LUZP1: variants seen among roughly 807,000 people sequenced by gnomAD.
LUZP1 encodes leucine zipper protein 1.
A neutral mutation model predicts 71.3 loss-of-function variants in LUZP1; 25 were observed. That is an observed-to-expected ratio of 0.35 (90% CI 0.26 to 0.49). The LOEUF (loss-of-function observed/expected upper bound fraction) is 0.49. LUZP1 is among the 20% of genes least tolerant of loss of function. LUZP1 has a pLI of 0.99. For synonymous variants in LUZP1, 481 were observed against 506.4 expected (o/e 0.95, Z 0.67); for missense variants, 1,142 against 1,300.8 (o/e 0.88, Z 1.88).
intron 2 of LUZP1, among the ~76,000 whole-genome samples, chr1:23,131,625 T>C (rs17370091): frequency 0.022 from 3,319 of 152,308 alleles, 65 homozygotes; most frequent in Non-Finnish European, 0.034. Context: ...CACCTAATAC[T>C]GTAGTTCTCC....
chr1:23,166,030 A>G (rs980530765), intron 2 of LUZP1, among the ~76,000 whole-genome samples: 7 of 147,464 alleles, frequency 4.7e-5, no homozygotes, highest in African/African-American at 1.3e-4. Flanking sequence ...CTACAGCCTT[A>G]TATGTTTGTC....
At chr1:23,151,561 C>T (rs558439005) in intron 2 of LUZP1, among the ~76,000 whole-genome samples, 10 of 152,314 alleles carry the variant, frequency 6.6e-5, no homozygotes, top group African/African-American at 2.4e-4. Flanking sequence ...AGAATTCTAA[C>T]TCTCCCGGTT....
chr1:23,108,915 C>G (rs962643501), intron 3 of LUZP1, 107 bp downstream of exon 2: 9 of 152,196 alleles, frequency 5.9e-5, no homozygotes, highest in Non-Finnish European at 1.0e-4. Context: ...TAGGCCATCA[C>G]AAATACTGAC....
At chr1:23,089,624 G>A (rs1643822538) in intron 4 of LUZP1, among the ~76,000 whole-genome samples, 3 of 151,382 alleles carry the variant, frequency 2.0e-5, no homozygotes, top group South Asian at 2.1e-4. Context: ...ACGAAGTCTC[G>A]CACTGTCTCC....
chr1:23,119,251 CTTTTTTTTTTTT>C (rs35522356), intron 2 of LUZP1, among the ~76,000 whole-genome samples: 2 of 69,996 alleles, frequency 2.9e-5, no homozygotes, highest in Non-Finnish European at 5.0e-5. Context: ...GTGACTAGCT[CTTTTTTTTTTTT>C]TTTTTTTTTT....
At chr1:23,089,423 G>A (rs1447065052) in intron 4 of LUZP1, among the ~76,000 whole-genome samples, 3 of 152,166 alleles carry the variant, frequency 2.0e-5, no homozygotes, top group African/African-American at 4.8e-5. Flanking sequence ...TTCTGGGGAT[G>A]AGGTCCACAT....
At chr1:23,158,647 C>CAAAAA (rs56919514) in intron 2 of LUZP1, among the ~76,000 whole-genome samples, 19 of 59,926 alleles carry the variant, frequency 3.2e-4, no homozygotes, top group African/African-American at 8.2e-4. Context: ...GACTCTGTCT[C>CAAAAA]AAAAAAAAAA....
exon 4 of LUZP1, chr1:23,091,832 C>T (rs376596340): frequency 5.6e-5 from 91 of 1,614,122 alleles, no homozygotes; most frequent in Middle Eastern, 1.7e-4. Context: ...GGGCCTCACC[C>T]GGAGCAGCTC....
At chr1:23,156,183 C>T (rs1038145539) in intron 2 of LUZP1, among the ~76,000 whole-genome samples, 4 of 152,132 alleles carry the variant, frequency 2.6e-5, no homozygotes, top group Non-Finnish European at 5.9e-5. Flanking sequence ...AGTTCGAGAC[C>T]AGCCTGGCCA....
chr1:23,171,832 C>T (rs1644554579), intron 1 of LUZP1, among the ~76,000 whole-genome samples: 1 of 152,174 alleles, frequency 6.6e-6, no homozygotes, highest in Admixed American at 6.5e-5. Context: ...ACCACAAACC[C>T]TTGGAAGGAA....
intron 2 of LUZP1, among the ~76,000 whole-genome samples, chr1:23,159,796 C>T (rs1282506215): frequency 6.6e-6 from 1 of 152,158 alleles, no homozygotes; most frequent in African/African-American, 2.4e-5. Context: ...ACCAGCCTGG[C>T]CAACATGGTG....
At chr1:23,117,502 A>G (rs1165716025) in intron 2 of LUZP1, among the ~76,000 whole-genome samples, 1 of 43,506 alleles carries the variant, frequency 2.3e-5, no homozygotes, top group African/African-American at 1.7e-4. Context: ...ACAATCAGGA[A>G]GCCCTGGGGG....
rs750749396 is a variant in LUZP1, at chr1:23,092,877, C to T, written c.1385G>A (p.Ser462Asn). Reference sequence around the variant, plus strand: ...CTGCTCCCTAGACTTCTTCCCTTCGCTCTGGGAGGAGCCGGGTACAAACCG... The same window carrying T: ...CTGCTCCCTAGACTTCTTCCCTTCGTTCTGGGAGGAGCCGGGTACAAACCG... Residue 462 changes from serine to asparagine, a missense_variant, in exon 4 of 5, where the codon AGC becomes AAC. Physicochemically the swap from Ser to Asn is conservative, Grantham distance 46. Coordinates refer to ENST00000302291, the Ensembl canonical transcript of LUZP1. 9.3e-6 allele frequency: 15 copies of T among 1,613,822 alleles called. No individual in the cohort carries two copies. In the South Asian group the frequency reaches 1.5e-4, roughly 17 times the overall value.
intron 2 of LUZP1, among the ~76,000 whole-genome samples, chr1:23,133,254 T>C (rs1458521013): frequency 6.6e-6 from 1 of 152,236 alleles, no homozygotes; most frequent in Non-Finnish European, 1.5e-5. Context: ...TTTTTAAAAA[T>C]ATTATTTAAT....
intron 2 of LUZP1, among the ~76,000 whole-genome samples, chr1:23,149,695 C>T (rs977179622): frequency 2.0e-5 from 3 of 151,972 alleles, no homozygotes; most frequent in Non-Finnish European, 4.4e-5. Flanking sequence ...AGTAAAAGGG[C>T]CGGGCGTGGT....
chr1:23,162,748 G>A (rs1644478501), intron 2 of LUZP1: 1 of 152,162 alleles, frequency 6.6e-6, no homozygotes, highest in Non-Finnish European at 1.5e-5. Context: ...AATGGTACAG[G>A]GAAGATTAGT....
intron 2 of LUZP1, among the ~76,000 whole-genome samples, chr1:23,127,873 T>C (rs1487133908): frequency 6.6e-6 from 1 of 152,104 alleles, no homozygotes; most frequent in African/African-American, 2.4e-5. Context: ...TGGCTCATGC[T>C]TGTAATCCCA....
chr1:23,109,330 T>A (rs1364548743), intron 2 of LUZP1, among the ~76,000 whole-genome samples: 2 of 152,172 alleles, frequency 1.3e-5, no homozygotes, highest in Non-Finnish European at 2.9e-5. Flanking sequence ...CAAGAAAGAA[T>A]TTGGCTGTAG....
exon 5 of LUZP1, chr1:23,086,302 AATCT>A (rs1417322442): frequency 6.6e-6 from 1 of 152,670 alleles, no homozygotes; most frequent in Non-Finnish European, 1.5e-5. Flanking sequence ...TTAAAAATAA[AATCT>A]ATCTAGAAAG....
Sources: allele counts gnomAD v4.1 joint callset (sites outside exome capture counted in the v4.1 genomes callset), GRCh38; gene constraint gnomAD v4.1.1; transcripts MANE v1.5; gene names NCBI Gene and HGNC (gene_info 2026-07-23, HGNC 2026-07-21).